The following ANGPT1 variants were observed in gnomAD, a reference collection of about 807,000 sequenced individuals.
ANGPT1 encodes the protein angiopoietin 1, also known as angiopoietin-1.
ANGPT1 carries 17 observed loss-of-function variants against 62.2 expected under a neutral mutation model. That is an observed-to-expected ratio of 0.27 (90% CI 0.19 to 0.41). The LOEUF is 0.41. ANGPT1 is among the 10% of genes least tolerant of loss of function. The pLI, the probability that ANGPT1 is intolerant of heterozygous loss-of-function variation, is 1.00. For missense variants in ANGPT1, 478 were observed against 594.9 expected, an observed-to-expected ratio of 0.80 and a Z score of 2.04; for synonymous variants, 199 against 198.9, an observed-to-expected ratio of 1.00 and a Z score of 0.00.
At chr8:107,269,525 G>T (rs976855069) in intron 7 of ANGPT1, among the ~76,000 whole-genome samples, 2 of 152,054 alleles carry the variant, frequency 1.3e-5, no homozygotes, top group Non-Finnish European at 2.9e-5. Flanking sequence ...CCGTGACAGT[G>T]AATTGGAAGT....
intron 3 of ANGPT1, among the ~76,000 whole-genome samples, chr8:107,328,528 G>T (rs1586228268): frequency 6.6e-6 from 1 of 151,730 alleles, no homozygotes; most frequent in East Asian, 1.9e-4. Context: ...AAATAAGTTG[G>T]ACAATAAATA....
chr8:107,404,458 A>C (rs1002401524), intron 1 of ANGPT1, among the ~76,000 whole-genome samples: 1 of 152,106 alleles, frequency 6.6e-6, no homozygotes, highest in African/African-American at 2.4e-5. Context: ...TTTAAACCTC[A>C]GTTGAATCAT....
In ANGPT1 at chr8:107,353,409, C is replaced by T. The variant is rs115218845; in HGVS notation, c.298-6312G>A. On this transcript the variant is annotated intron_variant, in intron 1 of 8. Coordinates refer to ENST00000517746, the MANE Select transcript of ANGPT1 (RefSeq NM_001146.5). ...AACAATGGCTGTCGGTACCTTAGACCCACCCCACATTTCTTTCCCAATTCC... is the reference window on the plus strand; with the variant it reads ...AACAATGGCTGTCGGTACCTTAGACTCACCCCACATTTCTTTCCCAATTCC... Among the ~76,000 whole-genome samples, 585 of 152,236 alleles carry T rather than the reference C, an allele frequency of 3.8e-3. 6 individuals are homozygous for T. The highest frequency in any genetic ancestry group is 0.014 in the African/African-American group (563 of 41,548).
At chr8:107,285,663 G>A (rs1814122121) in intron 6 of ANGPT1, among the ~76,000 whole-genome samples, 1 of 151,998 alleles carries the variant, frequency 6.6e-6, no homozygotes, top group African/African-American at 2.4e-5. Context: ...GGAGAAAAAA[G>A]TGGTCCCAAA....
intron 3 of ANGPT1, among the ~76,000 whole-genome samples, chr8:107,334,535 T>A (rs1416775337): frequency 6.6e-6 from 1 of 151,156 alleles, no homozygotes; most frequent in Non-Finnish European, 1.5e-5. Context: ...TCCTGTGTGT[T>A]TTTTTTTGTC....
rs945315058 is a variant in ANGPT1 at position 107,428,988 on chromosome 8, G to A, written c.297+68274C>T. Among the ~76,000 whole-genome samples the A allele has an allele frequency of 1.3e-4, 20 of 152,266 alleles. No individual in the cohort carries two copies. In the East Asian group the frequency reaches 3.7e-3, roughly 28 times the overall value. On this transcript the variant is annotated intron_variant, in intron 1 of 8. Transcript: ENST00000517746. ...CACTAGGAACAATTCTTTTGGACAAGAGGGTTATGCTATTCTAAATCATAT... is the reference window on the plus strand; with the variant it reads ...CACTAGGAACAATTCTTTTGGACAAAAGGGTTATGCTATTCTAAATCATAT...
chr8:107,334,722 A>G (rs1815520037), intron 3 of ANGPT1, among the ~76,000 whole-genome samples: 1 of 152,244 alleles, frequency 6.6e-6, no homozygotes, highest in South Asian at 2.1e-4. Context: ...ATTAAACCAT[A>G]AAGGGGTGAC....
chr8:107,478,823 GTA>G (rs1009366365), intron 1 of ANGPT1, among the ~76,000 whole-genome samples: 10 of 152,186 alleles, frequency 6.6e-5, no homozygotes, highest in African/African-American at 2.4e-4. Context: ...CAGTATGTGT[GTA>G]TAGAGTTGTG....
At chr8:107,338,978 T>C (rs144407815) in intron 2 of ANGPT1, among the ~76,000 whole-genome samples, 1 of 152,360 alleles carries the variant, frequency 6.6e-6, no homozygotes, top group East Asian at 1.9e-4. Context: ...AAATGAAATC[T>C]ATTTTCTTTC....
intron 1 of ANGPT1, among the ~76,000 whole-genome samples, chr8:107,382,790 AG>A (rs1263170171): frequency 1.3e-5 from 2 of 152,206 alleles, no homozygotes; most frequent in East Asian, 3.9e-4. Context: ...AAAGCCAAGC[AG>A]GAATGGCCAA....
chr8:107,283,504 T>A (rs1814065276), intron 7 of ANGPT1, among the ~76,000 whole-genome samples: 1 of 151,588 alleles, frequency 6.6e-6, no homozygotes, highest in Non-Finnish European at 1.5e-5. Flanking sequence ...CCTATGAAAA[T>A]ATGCAGAATT....
chr8:107,463,957 A>G (rs1812136059), intron 1 of ANGPT1, among the ~76,000 whole-genome samples: 1 of 152,168 alleles, frequency 6.6e-6, no homozygotes, highest in Non-Finnish European at 1.5e-5. Context: ...GAATAATTAT[A>G]ATTTTTGAAA....
chr8:107,391,412 A>T (rs926829470), intron 1 of ANGPT1, among the ~76,000 whole-genome samples: 2 of 152,190 alleles, frequency 1.3e-5, no homozygotes, highest in African/African-American at 4.8e-5. Flanking sequence ...CACACTTGTA[A>T]TCCCAGCACT....
At chr8:107,305,788 C>A (rs1814700645) in intron 4 of ANGPT1, among the ~76,000 whole-genome samples, 2 of 151,906 alleles carry the variant, frequency 1.3e-5, no homozygotes, top group African/African-American at 4.8e-5. Flanking sequence ...GTCATTCTTT[C>A]CAGAAAGATT....
intron 8 of ANGPT1, among the ~76,000 whole-genome samples, chr8:107,257,926 TTCTCTCTC>T (rs142506893): frequency 1.6e-5 from 2 of 122,014 alleles, no homozygotes; most frequent in East Asian, 4.4e-4. Context: ...TGTTCTTTCT[TTCTCTCTC>T]TCTCTCTCTC....
intron 1 of ANGPT1, among the ~76,000 whole-genome samples, chr8:107,356,830 A>C (rs1470529472): frequency 1.3e-5 from 2 of 152,248 alleles, no homozygotes; most frequent in East Asian, 1.9e-4. Flanking sequence ...GCAAGGGCAC[A>C]GCATCAGAGT....
At chr8:107,337,289 T>C (rs150105678) in intron 2 of ANGPT1, among the ~76,000 whole-genome samples, 15 of 152,344 alleles carry the variant, frequency 9.8e-5, no homozygotes, top group Middle Eastern at 3.4e-3. Flanking sequence ...AGAACCCAGA[T>C]TGTATGAGAG....
At chr8:107,280,518 G>T (rs1053298882) in intron 7 of ANGPT1, among the ~76,000 whole-genome samples, 1 of 152,198 alleles carries the variant, frequency 6.6e-6, no homozygotes, top group Admixed American at 6.5e-5. Context: ...TATCAGGGAA[G>T]ACTTGGAATA....
At chr8:107,378,245 C>T (rs1654720) in intron 1 of ANGPT1, among the ~76,000 whole-genome samples, 112,408 of 152,064 alleles carry the variant, frequency 0.74, 42,518 homozygotes, top group East Asian at 0.87. Context: ...ATTATTGTTA[C>T]TTTAGGAACC....
Sources: gnomAD v4.1 joint callset for allele counts (sites outside exome capture counted in the v4.1 genomes callset) on GRCh38, gnomAD v4.1.1 for gene constraint, MANE v1.5 for transcripts, NCBI Gene and HGNC (gene_info 2026-07-23, HGNC 2026-07-21) for gene names.